Variants in TLCD4 observed in about 807,000 individuals in gnomAD.
TLCD4 encodes TLC domain containing 4.
TLCD4 carries 7 observed loss-of-function variants against 24.2 expected under a neutral mutation model. The ratio of observed to expected loss-of-function variants is 0.29; its 90% confidence interval spans 0.16 to 0.54. The LOEUF (loss-of-function observed/expected upper bound fraction) is 0.54, where lower values mean the gene tolerates loss of function less well. TLCD4 is among the 20% of genes least tolerant of loss of function. The pLI, the probability that TLCD4 is intolerant of heterozygous loss-of-function variation, is 0.95. For missense variants in TLCD4, 259 were observed against 313.9 expected, an observed-to-expected ratio of 0.82 and a Z score of 1.32; for synonymous variants, 103 against 106.4, an observed-to-expected ratio of 0.97 and a Z score of 0.20.
At chr1:95,130,130 T>C (rs866583155) in intron 1 of TLCD4, among the ~76,000 whole-genome samples, 1 of 152,120 alleles carries the variant, frequency 6.6e-6, no homozygotes, top group South Asian at 2.1e-4. Flanking sequence ...AAATGAGTAG[T>C]TGACATTCTT....
intron 5 of TLCD4, among the ~76,000 whole-genome samples, chr1:95,160,940 G>C (rs554486435): frequency 1.3e-5 from 2 of 152,216 alleles, no homozygotes; most frequent in African/African-American, 4.8e-5. Flanking sequence ...CAATGTTCAT[G>C]AAGGATATTG....
rs1352936689 is a variant in TLCD4 at position 95,196,961 on chromosome 1, G to A, written c.*5093G>A. The A allele has an allele frequency of 6.6e-6, 1 of 151,858 alleles. No individual in the cohort carries two copies. Among genetic ancestry groups the A allele is most frequent in the Admixed American group, 6.6e-5 (1 of 15,238 alleles). The allele number at this position is 151,858 out of a possible 1,614,324, so 9.4% of individuals were successfully genotyped here. A position where few individuals can be genotyped will look rare whatever the true frequency, so the allele number is the denominator to read the frequency against. ...ATAGGATAAGTTATGAGATTTTTTG[G>A]TATTAGAATTTGTAATAATAATGAC... is the stretch of plus-strand genomic sequence containing the variant. On this transcript the variant is annotated 3_prime_UTR_variant, in exon 7 of 7. Transcript: ENST00000370203.
At chr1:95,156,949 A>G (rs1677650664) in intron 5 of TLCD4, among the ~76,000 whole-genome samples, 1 of 152,168 alleles carries the variant, frequency 6.6e-6, no homozygotes, top group Non-Finnish European at 1.5e-5. Context: ...CCAGAAGAAG[A>G]ATGATCAGGC....
At chr1:95,171,805 T>A (rs1571769514) in intron 5 of TLCD4, among the ~76,000 whole-genome samples, 1 of 152,290 alleles carries the variant, frequency 6.6e-6, no homozygotes, top group East Asian at 1.9e-4. Context: ...TTGTGTCCCC[T>A]CCAAAATTCA....
the TLCD4 span, among the ~76,000 whole-genome samples, chr1:95,097,048 C>A: frequency 6.6e-6 from 1 of 151,820 alleles, no homozygotes; most frequent in East Asian, 2.0e-4. Context: ...ACTCCTTCCA[C>A]ATCTCCAAGT....
At chr1:95,154,762 C>G (rs1456250704) in intron 5 of TLCD4, among the ~76,000 whole-genome samples, 1 of 151,544 alleles carries the variant, frequency 6.6e-6, no homozygotes, top group Admixed American at 6.6e-5. Context: ...AATTATTAAA[C>G]ATAGTAATAG....
intron 6 of TLCD4, among the ~76,000 whole-genome samples, chr1:95,180,629 T>A (rs1678604387): frequency 6.6e-6 from 1 of 152,110 alleles, no homozygotes; most frequent in African/African-American, 2.4e-5. Context: ...TGCTGCTGAG[T>A]TATGCCCACA....
At chr1:95,140,568 G>C (rs900468380) in intron 1 of TLCD4, 2 of 152,156 alleles carry the variant, frequency 1.3e-5, no homozygotes, top group African/African-American at 2.4e-5. Flanking sequence ...AAGTTTCTTT[G>C]ATGTCCACAA....
chr1:95,175,747 T>C (rs1251445354), intron 6 of TLCD4, among the ~76,000 whole-genome samples: 1 of 152,086 alleles, frequency 6.6e-6, no homozygotes, highest in Admixed American at 6.6e-5. Flanking sequence ...AGGTGGTATG[T>C]CATGTGTTTT....
At chr1:95,094,233 CA>C in the TLCD4 span, among the ~76,000 whole-genome samples, 22 of 152,078 alleles carry the variant, frequency 1.4e-4, no homozygotes, top group Non-Finnish European at 2.5e-4. Flanking sequence ...GTGGCTCAAG[CA>C]ATCCTCCCAC....
intron 1 of TLCD4, among the ~76,000 whole-genome samples, chr1:95,136,919 A>T (rs1341359373): frequency 6.6e-6 from 1 of 152,090 alleles, no homozygotes; most frequent in African/African-American, 2.4e-5. Flanking sequence ...GTTAAGTTCA[A>T]CTTGGGCGAA....
At position 95,117,419 on chromosome 1, in the gene TLCD4, T is replaced by G. The variant is rs931402970; in HGVS notation, c.-210T>G. The G allele has an allele frequency of 1.3e-5, 2 of 152,112 alleles. No individual in the cohort carries two copies. The highest frequency in any genetic ancestry group is 1.3e-4 in the Admixed American group (2 of 15,270). 9.4% of individuals were successfully genotyped at this position (152,112 alleles called of 1,614,324 possible). ...CGGGCGCGACGGCCGCCGCGGTAGC[T>G]GGAGCCTCCGCGACTGCACCTCCAA... On this transcript the variant is annotated 5_prime_UTR_variant, in exon 1 of 7. Coordinates refer to ENST00000370203, the MANE Select transcript of TLCD4 (RefSeq NM_152487.3).
rs1679100059 is a variant in TLCD4 at position 95,193,756 on chromosome 1, G to A, written c.*1888G>A. On this transcript the variant is annotated 3_prime_UTR_variant, in exon 7 of 7. Coordinates refer to ENST00000370203, the MANE Select transcript of TLCD4 (RefSeq NM_152487.3). ...ATGTAAAATAATAGTTATTTTTAAAGCAGCTAATATTACACTGATAATTTG... is the reference window on the plus strand; with the variant it reads ...ATGTAAAATAATAGTTATTTTTAAAACAGCTAATATTACACTGATAATTTG... 2 of 152,008 alleles carry A rather than the reference G, an allele frequency of 1.3e-5. No individual in the cohort carries two copies. Among genetic ancestry groups the A allele is most frequent in the African/African-American group, 4.8e-5 (2 of 41,418 alleles). The allele number at this position is 152,008 out of a possible 1,614,324, so 9.4% of individuals were successfully genotyped here.
the TLCD4 span, among the ~76,000 whole-genome samples, chr1:95,104,986 C>T: frequency 6.6e-6 from 1 of 152,134 alleles, no homozygotes; most frequent in Non-Finnish European, 1.5e-5. Flanking sequence ...CACACCACTG[C>T]ACTCCAGCCT....
chr1:95,120,273 A>G (rs1340543945), intron 1 of TLCD4: 1 of 152,268 alleles, frequency 6.6e-6, no homozygotes, highest in Non-Finnish European at 1.5e-5. Flanking sequence ...CAGAGAATAC[A>G]TTACATTAGG....
At chr1:95,138,056 C>T (rs56071481) in intron 1 of TLCD4, among the ~76,000 whole-genome samples, 1 of 152,212 alleles carries the variant, frequency 6.6e-6, no homozygotes, top group Non-Finnish European at 1.5e-5. Context: ...GGGCTCCAGC[C>T]TAAAAGCATC....
rs1339109423 is a variant in TLCD4, at chr1:95,169,075, T to C, written c.400-4741T>C. ...TCTGAGAAGTAGGGAGCTAGCTCCTTGGGGCTTATAGATCGCTGGCTATTT... is the reference window on the plus strand; with the variant it reads ...TCTGAGAAGTAGGGAGCTAGCTCCTCGGGGCTTATAGATCGCTGGCTATTT... On this transcript the variant is annotated intron_variant, in intron 5 of 6. Transcript: ENST00000370203. Among the ~76,000 whole-genome samples the C allele has an allele frequency of 8.5e-5, 13 of 152,356 alleles. 1 individual carries two copies. In the East Asian group the frequency reaches 2.5e-3, roughly 29 times the overall value.
At chr1:95,166,111 G>A (rs1418430287) in intron 5 of TLCD4, among the ~76,000 whole-genome samples, 1 of 152,190 alleles carries the variant, frequency 6.6e-6, no homozygotes, top group Non-Finnish European at 1.5e-5. Context: ...GAGCAGTATA[G>A]TTTTGGAACT....
chr1:95,143,695 G>A (rs889948909), intron 1 of TLCD4, among the ~76,000 whole-genome samples, 196 bp from the exon 2 acceptor site: 4 of 152,122 alleles, frequency 2.6e-5, no homozygotes, highest in Admixed American at 6.5e-5. Context: ...AGATAAAACA[G>A]ACATAAGATA....
Sources: allele counts gnomAD v4.1 joint callset (sites outside exome capture counted in the v4.1 genomes callset), GRCh38; gene constraint gnomAD v4.1.1; transcripts MANE v1.5; gene names NCBI Gene and HGNC (gene_info 2026-07-23, HGNC 2026-07-21).